SPATA13: variants seen among roughly 807,000 people sequenced by gnomAD.
The protein encoded by SPATA13 is spermatogenesis-associated protein 13.
In SPATA13, 50 loss-of-function variants were observed where a neutral mutation model predicts 104.0. The ratio of observed to expected loss-of-function variants is 0.48; its 90% CI spans 0.38 to 0.61. The LOEUF is 0.61. Among genes scored for constraint, SPATA13 ranks in the 20% least tolerant of loss-of-function variants. The probability of loss-of-function intolerance (pLI) is 0.00; values close to 1 mark genes in which losing one functional copy is unlikely to be tolerated. For missense variants in SPATA13, 1,524 were observed against 1,690.6 expected (o/e 0.90, Z 1.73); for synonymous variants, 606 against 667.5 (o/e 0.91, Z 1.42).
intron 1 of SPATA13, among the ~76,000 whole-genome samples, chr13:24,171,434 T>A (rs1882961976): frequency 6.6e-6 from 1 of 152,190 alleles, no homozygotes; most frequent in Non-Finnish European, 1.5e-5. Context: ...TCACGTATGG[T>A]TTCCTGTTGA....
intron 3 of SPATA13, among the ~76,000 whole-genome samples, chr13:24,066,596 G>A (rs1346103601): frequency 1.3e-4 from 20 of 152,102 alleles, no homozygotes; most frequent in Admixed American, 1.2e-3. Context: ...CCCATGGAGG[G>A]GACAGCAGGT....
At chr13:24,054,334 G>A (rs1213890174) in intron 3 of SPATA13, among the ~76,000 whole-genome samples, 5 of 152,222 alleles carry the variant, frequency 3.3e-5, no homozygotes, top group Admixed American at 2.6e-4. Context: ...TGAATGTGAA[G>A]TTTAACGAAA....
chr13:24,029,370 T>C (rs1413122643), intron 3 of SPATA13, among the ~76,000 whole-genome samples: 1 of 150,142 alleles, frequency 6.7e-6, no homozygotes, highest in Non-Finnish European at 1.5e-5. Context: ...TACATTTTTT[T>C]AGACAAATAG....
chr13:24,306,845 AC>A lies in SPATA13; in HGVS notation c.*4073del, dbSNP rs1877607939. The A allele has an allele frequency of 1.3e-5, 2 of 152,188 alleles. No individual in the cohort carries two copies. The highest frequency in any genetic ancestry group is 4.1e-4 in the South Asian group (2 of 4,830). 9.4% of individuals were successfully genotyped at this position (152,188 alleles called of 1,614,324 possible). On this transcript the variant is annotated 3_prime_UTR_variant, in exon 13 of 13. Transcript: ENST00000382108. Reference sequence around the variant, plus strand: ...CTTTGGGCAACATTTTAGCTCATTAACTTCAAGATGATGTGTCATCTGTATA... The same window carrying A: ...CTTTGGGCAACATTTTAGCTCATTAATTCAAGATGATGTGTCATCTGTATA...
intron 1 of SPATA13, among the ~76,000 whole-genome samples, chr13:24,207,970 G>A (rs752512491): frequency 8.5e-5 from 13 of 152,218 alleles, no homozygotes; most frequent in Non-Finnish European, 1.9e-4. Context: ...CTGGCGTATA[G>A]ACATTCTCTC....
chr13:24,052,829 G>GTGCCCCC, intron 3 of SPATA13, among the ~76,000 whole-genome samples: 4 of 752 alleles, frequency 5.3e-3, no homozygotes, highest in South Asian at 0.071. Flanking sequence ...CTGCCGCCAG[G>GTGCCCCC]GGATCCTCCC....
chr13:24,256,048 T>C (rs898401807), intron 4 of SPATA13, among the ~76,000 whole-genome samples: 1 of 152,250 alleles, frequency 6.6e-6, no homozygotes, highest in African/African-American at 2.4e-5. Flanking sequence ...TTTAAAATAC[T>C]CCAAAAAAGT....
intron 3 of SPATA13, among the ~76,000 whole-genome samples, chr13:24,098,622 AG>A (rs749869825): frequency 3.3e-5 from 5 of 150,306 alleles, no homozygotes; most frequent in Non-Finnish European, 5.9e-5. Context: ...GAAGAAGAAA[AG>A]AAAGAAAGAA....
intron 1 of SPATA13, among the ~76,000 whole-genome samples, chr13:24,171,427 C>T (rs75592266): frequency 0.013 from 1,992 of 152,326 alleles, 20 homozygotes; most frequent in Non-Finnish European, 0.021. Context: ...ACGTGTCTCA[C>T]GTATGGTTTC....
chr13:24,248,030 A>G (rs531608624), intron 2 of SPATA13, among the ~76,000 whole-genome samples: 1 of 152,302 alleles, frequency 6.6e-6, no homozygotes, highest in East Asian at 1.9e-4. Context: ...CCCTGGGCCC[A>G]TGGCCTGACT....
intron 3 of SPATA13, among the ~76,000 whole-genome samples, chr13:24,151,050 A>G (rs1269286647): frequency 5.3e-5 from 8 of 152,206 alleles, no homozygotes; most frequent in Non-Finnish European, 2.9e-5. Flanking sequence ...TCCTACAGGA[A>G]TCCTGCGAAG....
chr13:24,229,885 G>A (rs1593441345), intron 2 of SPATA13, among the ~76,000 whole-genome samples: 1 of 152,192 alleles, frequency 6.6e-6, no homozygotes, highest in East Asian at 1.9e-4. Context: ...TTAAAACATA[G>A]GAGAACTTGA....
In SPATA13 at chr13:24,203,479, G is replaced by A. The variant is rs967380473; in HGVS notation, c.-111-19340G>A. Reference sequence around the variant, plus strand: ...AAGTCTGTTTTTGTGACTGAAAGGGGACAGCACTTCTGTGGCTGTTTGCAT... The same window carrying A: ...AAGTCTGTTTTTGTGACTGAAAGGGAACAGCACTTCTGTGGCTGTTTGCAT... On this transcript the variant is annotated intron_variant, in intron 1 of 12. Coordinates refer to ENST00000382108, the MANE Select transcript of SPATA13 (RefSeq NM_001166271.3). 9.2e-5 allele frequency among the ~76,000 whole-genome samples: 14 copies of A among 152,292 alleles called. No individual in the cohort carries two copies. The South Asian group carries it at 2.7e-3, about 29-fold the overall frequency.
chr13:24,237,172 A>G (rs1487071976), intron 2 of SPATA13, among the ~76,000 whole-genome samples: 3 of 152,146 alleles, frequency 2.0e-5, no homozygotes, highest in African/African-American at 7.2e-5. Flanking sequence ...CCTGGCCAAC[A>G]TGGTGAAACC....
chr13:24,292,493 T>C (rs925401691), intron 9 of SPATA13, among the ~76,000 whole-genome samples: 1 of 152,164 alleles, frequency 6.6e-6, no homozygotes, highest in Non-Finnish European at 1.5e-5. Flanking sequence ...ACACAAAGTC[T>C]TTAACTGCAC....
intron 1 of SPATA13, among the ~76,000 whole-genome samples, chr13:24,183,183 T>C (rs1197722278): frequency 6.6e-6 from 1 of 152,230 alleles, no homozygotes; most frequent in Non-Finnish European, 1.5e-5. Context: ...TTTTCTTTTG[T>C]TTGCATGTTG....
chr13:24,292,995 CAAAAAAAAAAAAAA>C (rs34221097), intron 9 of SPATA13, among the ~76,000 whole-genome samples: 11 of 23,932 alleles, frequency 4.6e-4, no homozygotes, highest in Non-Finnish European at 6.5e-4. Context: ...GACTTTGTCT[CAAAAAAAAAAAAAA>C]AAAAAAAAAA....
chr13:24,249,724 A>T lies in SPATA13; in HGVS notation c.1901A>T (p.Gln634Leu). ...ASMTSASPED[Q>L]NAPVGCPKGA... ...ATGACTTCTGCCAGCCCTGAAGACC[A>T]GAATGCTCCAGTGGGCTGCCCCAAA... Residue 634 changes from glutamine to leucine, a missense_variant, in exon 3 of 13, where the codon CAG (glutamine) becomes CTG (leucine). Transcript: ENST00000382108. 6.2e-7 allele frequency: 1 copy of T among 1,613,952 alleles called. No individual in the cohort carries two copies. Among genetic ancestry groups the T allele is most frequent in the Non-Finnish European group, 8.5e-7 (1 of 1,179,946 alleles).
Position 24,181,121 on chromosome 13 carries a change from C to T in SPATA13, c.-112+20189C>T, listed in dbSNP as rs1868777146. Among the ~76,000 whole-genome samples, 4 of 152,092 alleles carry T rather than the reference C, an allele frequency of 2.6e-5. No individual in the cohort carries two copies. In the South Asian group the frequency reaches 8.3e-4, roughly 32 times the overall value. On this transcript the variant is annotated intron_variant, in intron 1 of 12. Transcript: ENST00000382108. ...TTTTAAATGACTTGTCTATGTAGGG[C>T]ACTTATGAATGGAGTTTCCAGGACT...
Sources: gnomAD v4.1 joint callset for allele counts (sites outside exome capture counted in the v4.1 genomes callset) on GRCh38, gnomAD v4.1.1 for gene constraint, MANE v1.5 for transcripts, NCBI Gene and HGNC (gene_info 2026-07-23, HGNC 2026-07-21) for gene names.